The following NLRP4 variants were observed in gnomAD, a reference collection of about 807,000 sequenced individuals.
NLRP4 encodes the protein NACHT, LRR and PYD domains-containing protein 4.
Under a neutral mutation model 84.7 loss-of-function variants are expected in NLRP4, and 44 were observed. That is an observed-to-expected ratio of 0.52 (90% CI 0.41 to 0.67). The LOEUF is 0.67. NLRP4 is among the 30% of genes least tolerant of loss of function. The pLI, the probability that NLRP4 is intolerant of heterozygous loss-of-function variation, is 0.00. For synonymous variants in NLRP4, 544 were observed against 476.4 expected, an observed-to-expected ratio of 1.14 and a Z score of -1.85; for missense variants, 1,260 against 1,219.4, an observed-to-expected ratio of 1.03 and a Z score of -0.50.
chr19:55,870,586 C>G (rs1985136306), intron 6 of NLRP4, among the ~76,000 whole-genome samples: 1 of 152,174 alleles, frequency 6.6e-6, no homozygotes, highest in Non-Finnish European at 1.5e-5. Flanking sequence ...TCACTTGAAC[C>G]TGGGAGGTGG....
intron 7 of NLRP4, among the ~76,000 whole-genome samples, chr19:55,874,802 T>A (rs908117336): frequency 2.6e-5 from 4 of 152,134 alleles, no homozygotes; most frequent in Non-Finnish European, 2.9e-5. Flanking sequence ...TGTAATATAA[T>A]CCTTACAATT....
chr19:55,861,096 A>G (rs1210071852), intron 3 of NLRP4, among the ~76,000 whole-genome samples: 4 of 152,192 alleles, frequency 2.6e-5, no homozygotes, highest in East Asian at 1.9e-4. Context: ...TAGGATGTTC[A>G]GAAACATCCC....
rs553840051 is a variant in NLRP4 at position 55,867,651 on chromosome 19, G to C, written c.2187-58G>C. Reference sequence around the variant, plus strand: ...TTCCCGACTCTGACAGGATTGGCAAGAGGAATGAGTCCAGGAACTAGAAAC... The same window carrying C: ...TTCCCGACTCTGACAGGATTGGCAACAGGAATGAGTCCAGGAACTAGAAAC... On this transcript the variant is annotated intron_variant, in intron 5 of 9. Coordinates refer to ENST00000301295, the MANE Select transcript of NLRP4 (RefSeq NM_134444.5). 5.6e-4 allele frequency: 846 copies of C among 1,500,588 alleles called. 6 individuals are homozygous for C. The highest frequency in any genetic ancestry group is 4.3e-3 in the South Asian group (346 of 81,238). 93.0% of individuals were successfully genotyped at this position (1,500,588 alleles called of 1,614,324 possible).
intron 7 of NLRP4, among the ~76,000 whole-genome samples, chr19:55,871,763 C>T (rs1421310896): frequency 2.0e-5 from 3 of 151,870 alleles, no homozygotes; most frequent in South Asian, 2.1e-4. Context: ...CTGGGCCAAT[C>T]GTTGGCACTG....
intron 1 of NLRP4, among the ~76,000 whole-genome samples, chr19:55,849,053 C>G (rs908681420): frequency 6.6e-6 from 1 of 152,132 alleles, no homozygotes; most frequent in African/African-American, 2.4e-5. Context: ...TATAAATTAC[C>G]CAGTCTTGGG....
chr19:55,863,236 G>A (rs1053004764), intron 5 of NLRP4, among the ~76,000 whole-genome samples: 7 of 152,192 alleles, frequency 4.6e-5, no homozygotes, highest in African/African-American at 1.7e-4. Context: ...TTATTCCTGT[G>A]AAGTTCAAAG....
intron 2 of NLRP4, among the ~76,000 whole-genome samples, chr19:55,856,995 A>G (rs564889947): frequency 2.0e-5 from 3 of 152,194 alleles, no homozygotes; most frequent in South Asian, 2.1e-4. Flanking sequence ...TCTAGTCCCT[A>G]TATGTGAAAC....
chr19:55,862,127 G>C lies in NLRP4; in HGVS notation c.2154G>C (p.Leu718Phe), dbSNP rs764605225. Residue 718 changes from leucine (L) to phenylalanine (F), a missense_variant, in exon 5 of 10, where the codon TTG becomes TTC. Leu to Phe is a conservative substitution (Grantham distance 22, BLOSUM62 0). Around this residue, in one of 3 missense-constraint regions of NLRP4, gnomAD observed 544 missense variants for 531.7 expected, o/e 1.02. Transcript: ENST00000301295. ...ACATCAGGTCCCTCTGTGATGCCTT[G>C]AACTACCCAGCAGGCAACGTCAAAG... The part of the protein sequence containing the change: ...RDDIRSLCDA[L>F]NYPAGNVKEL... 2 of 1,613,942 alleles carry C rather than the reference G, an allele frequency of 1.2e-6. No individual in the cohort carries two copies. The highest frequency in any genetic ancestry group is 4.5e-5 in the East Asian group (2 of 44,884).
rs868033130 is a variant in NLRP4, at chr19:55,871,104, G to A, written c.2525+107G>A. On this transcript the variant is annotated intron_variant, in intron 7 of 9. Coordinates refer to ENST00000301295, the MANE Select transcript of NLRP4 (RefSeq NM_134444.5). ...GGAAGGCTGTAGTGTCTGTGCCTGG[G>A]CATGTGAAGGTTTAAAAAATACTTG... The A allele has an allele frequency of 1.7e-5, 16 of 920,854 alleles. 1 individual carries two copies. In the Middle Eastern group the frequency reaches 2.7e-3, roughly 153 times the overall value. 57.0% of individuals were successfully genotyped at this position (920,854 alleles called of 1,614,324 possible). A position where few individuals can be genotyped will look rare whatever the true frequency, so the allele number is the denominator to read the frequency against.
chr19:55,851,132 A>AGGCTGCGGTGTAATGTCCGT (rs1984114263), intron 1 of NLRP4, among the ~76,000 whole-genome samples: 2 of 53,696 alleles, frequency 3.7e-5, no homozygotes, highest in Non-Finnish European at 6.1e-5. Flanking sequence ...GTAATGTCCG[A>AGGCTGCGGTGTAATGTCCGT]GGCTGCGGTG....
chr19:55,841,176 G>T (rs528162699), intron 1 of NLRP4, among the ~76,000 whole-genome samples: 1 of 151,998 alleles, frequency 6.6e-6, no homozygotes, highest in Non-Finnish European at 1.5e-5. Context: ...TGAAATATCC[G>T]CCACACTGTT....
chr19:55,859,404 G>A (rs1984627893), intron 3 of NLRP4, among the ~76,000 whole-genome samples, 155 bp downstream of exon 3: 1 of 152,166 alleles, frequency 6.6e-6, no homozygotes, highest in African/African-American at 2.4e-5. Flanking sequence ...CATTTTAGGA[G>A]CTCTTAGACT....
intron 5 of NLRP4, among the ~76,000 whole-genome samples, chr19:55,866,685 T>G (rs2123049745): frequency 6.6e-6 from 1 of 152,254 alleles, no homozygotes; most frequent in African/African-American, 2.4e-5. Context: ...ACCTGAATGA[T>G]AAAGATGCAT....
chr19:55,842,962 T>A (rs1005518592), intron 1 of NLRP4, among the ~76,000 whole-genome samples: 1 of 151,074 alleles, frequency 6.6e-6, no homozygotes, highest in African/African-American at 2.4e-5. Context: ...GGTTTCACCG[T>A]GTTAGCCAGG....
intron 1 of NLRP4, among the ~76,000 whole-genome samples, chr19:55,851,527 T>G (rs1275613161): frequency 0.13 from 75 of 578 alleles, 10 homozygotes; most frequent in Non-Finnish European, 0.18. Context: ...GCGGTGTAAT[T>G]TACCGAGGCT....
Position 55,877,104 on chromosome 19 carries a change from T to A in NLRP4, c.2634T>A (p.Asp878Glu). The A allele has an allele frequency of 6.2e-7, 1 of 1,614,054 alleles. No homozygotes were observed. Among genetic ancestry groups the A allele is most frequent in the Non-Finnish European group, 8.5e-7 (1 of 1,179,962 alleles). ...ILQIGCNEIG[D>E]VGVQLLCRAL... ...AAATTGGGTGCAATGAAATCGGAGA[T>A]GTGGGTGTGCAGCTGTTGTGTCGGG... The change falls in exon 8 of 10, where the codon GAT becomes GAA. Residue 878 changes from aspartate to glutamate, a missense_variant. Transcript: ENST00000301295.
At chr19:55,837,340 T>C (rs573169419) in intron 1 of NLRP4, among the ~76,000 whole-genome samples, 1 of 152,216 alleles carries the variant, frequency 6.6e-6, no homozygotes, top group Admixed American at 6.5e-5. Flanking sequence ...AGTGTATATG[T>C]ACCCCTGAAC....
rs113325934 is a variant in NLRP4 at position 55,860,071 on chromosome 19, C to T, written c.1856+822C>T. ...CGAGATCTTGGCTCACTGCAAGCTC[C>T]GCCTCCCAGGTTCACGCCATTCTCC... On this transcript the variant is annotated intron_variant, in intron 3 of 9. Transcript: ENST00000301295. 7.1e-3 allele frequency among the ~76,000 whole-genome samples: 1,075 copies of T among 150,520 alleles called. 16 individuals are homozygous for T. Among genetic ancestry groups the T allele is most frequent in the African/African-American group, 0.025 (1,020 of 41,000 alleles).
At chr19:55,863,151 C>T (rs572637958) in intron 5 of NLRP4, among the ~76,000 whole-genome samples, 3 of 152,200 alleles carry the variant, frequency 2.0e-5, no homozygotes, top group Admixed American at 6.5e-5. Context: ...CACTCTCGGT[C>T]GTATGCAAAA....
Sources: allele counts gnomAD v4.1 joint callset (sites outside exome capture counted in the v4.1 genomes callset), GRCh38; gene constraint gnomAD v4.1.1; regional missense constraint gnomAD v4.1.1; transcripts MANE v1.5; gene names NCBI Gene and HGNC (gene_info 2026-07-23, HGNC 2026-07-21).